Variants in EML4 observed in about 807,000 individuals in gnomAD.
The protein encoded by EML4 is EMAP like 4, also known as echinoderm microtubule-associated protein-like 4.
A neutral mutation model predicts 129.0 loss-of-function variants in EML4; 72 were observed. That is an observed-to-expected ratio of 0.56 (90% CI 0.46 to 0.68). The LOEUF is 0.68. Ranked by LOEUF, EML4 falls within the 30% of genes least tolerant of loss-of-function variation. The pLI, the probability that EML4 is intolerant of heterozygous loss-of-function variation, is 0.00. For synonymous variants in EML4, 532 were observed against 405.0 expected (o/e 1.31, Z -3.77); for missense variants, 1,363 against 1,190.6 (o/e 1.14, Z -2.13).
chr2:42,317,386 C>T, intron 18 of EML4, 41 bp from the exon 19 acceptor site: 1 of 1,189,116 alleles, frequency 8.4e-7, no homozygotes, highest in Non-Finnish European at 1.2e-6. Flanking sequence ...ATAAATTTAT[C>T]AGTATATTTC....
chr2:42,315,577 TA>T (rs1231827734), intron 17 of EML4, among the ~76,000 whole-genome samples: 2 of 151,782 alleles, frequency 1.3e-5, no homozygotes, highest in African/African-American at 4.8e-5. Flanking sequence ...TTCTTAAAAG[TA>T]AAAAAATAGA....
intron 11 of EML4, among the ~76,000 whole-genome samples, chr2:42,292,788 G>A (rs1341629396): frequency 6.6e-6 from 1 of 152,088 alleles, no homozygotes; most frequent in Non-Finnish European, 1.5e-5. Context: ...AAAGTTAAAA[G>A]GATATATCCT....
At chr2:42,267,909 A>G (rs567216081) in intron 6 of EML4, among the ~76,000 whole-genome samples, 26 of 152,322 alleles carry the variant, frequency 1.7e-4, no homozygotes, top group African/African-American at 5.3e-4. Flanking sequence ...AGGACTATCT[A>G]TTGTTAGAGG....
intron 1 of EML4, among the ~76,000 whole-genome samples, chr2:42,181,993 G>A (rs1572838443): frequency 6.6e-6 from 1 of 152,074 alleles, no homozygotes; most frequent in Non-Finnish European, 1.5e-5. Context: ...CAACAGCGTA[G>A]GGTTAATTTT....
chr2:42,296,409 G>A (rs560514034), intron 13 of EML4, among the ~76,000 whole-genome samples: 1 of 152,074 alleles, frequency 6.6e-6, no homozygotes, highest in East Asian at 1.9e-4. Flanking sequence ...CCTGGGGATT[G>A]GCAGGGCAAC....
chr2:42,306,484 C>CATTTTTTTTTTTTTTTTT (rs1668598861), intron 17 of EML4, among the ~76,000 whole-genome samples: 1 of 74,604 alleles, frequency 1.3e-5, no homozygotes, highest in Non-Finnish European at 2.6e-5. Flanking sequence ...GTGCTAAATC[C>CATTTTTTTTTTTTTTTTT]TTTTTTTTTT....
chr2:42,256,662 A>G (rs1349278532), intron 3 of EML4, 32 bp downstream of exon 3: 2 of 1,611,390 alleles, frequency 1.2e-6, no homozygotes, highest in Non-Finnish European at 8.5e-7. Context: ...AAAAACTAAC[A>G]TTGCAGAATT....
intron 17 of EML4, among the ~76,000 whole-genome samples, chr2:42,313,757 A>C (rs1220046340): frequency 1.3e-5 from 2 of 150,530 alleles, no homozygotes; most frequent in South Asian, 2.1e-4. Flanking sequence ...GCGAAACCCT[A>C]TCTCTACTAA....
intron 11 of EML4, chr2:42,289,778 C>T (rs1330124769): frequency 6.6e-6 from 1 of 151,814 alleles, no homozygotes; most frequent in African/African-American, 2.4e-5. Context: ...TTGAAATTAA[C>T]TTAATCTGGC....
intron 2 of EML4, among the ~76,000 whole-genome samples, chr2:42,248,895 C>A (rs1212162588): frequency 6.6e-6 from 1 of 151,942 alleles, no homozygotes; most frequent in Non-Finnish European, 1.5e-5. Context: ...CTGTATTTTC[C>A]TTTAGTGGAA....
intron 1 of EML4, among the ~76,000 whole-genome samples, chr2:42,243,244 G>T (rs1675157636): frequency 6.6e-6 from 1 of 152,154 alleles, no homozygotes; most frequent in African/African-American, 2.4e-5. Flanking sequence ...TATTCTTCCT[G>T]TGAGAAGAAG....
chr2:42,240,031 C>G (rs555807408), intron 1 of EML4, among the ~76,000 whole-genome samples: 6 of 152,130 alleles, frequency 3.9e-5, no homozygotes, highest in Non-Finnish European at 8.8e-5. Flanking sequence ...GGTAACTCAC[C>G]TGATGTCTCA....
intron 1 of EML4, among the ~76,000 whole-genome samples, chr2:42,189,184 AAC>A (rs1192171925): frequency 2.0e-5 from 3 of 152,164 alleles, no homozygotes; most frequent in African/African-American, 7.2e-5. Flanking sequence ...TTATTTTTAA[AAC>A]AGTGATAATA....
rs562675935 is a variant in EML4, at chr2:42,207,066, C to A, written c.25+37430C>A. Among the ~76,000 whole-genome samples the A allele has an allele frequency of 2.6e-5, 4 of 152,210 alleles. No individual in the cohort carries two copies. The East Asian group carries it at 7.7e-4, about 29-fold the overall frequency. On this transcript the variant is annotated intron_variant, in intron 1 of 22. Transcript: ENST00000318522. ...GCTGTCACTGAATATGTGTTCAGTA[C>A]ACTGTAGTAATAGATTACTTTTCAA... is the stretch of plus-strand genomic sequence containing the variant.
At position 42,182,962 on chromosome 2, in the gene EML4, G is replaced by GC. The variant is rs575719004; in HGVS notation, c.25+13333dup. Among the ~76,000 whole-genome samples, 320 of 152,036 alleles carry GC rather than the reference G, an allele frequency of 2.1e-3. 1 individual carries two copies. Among genetic ancestry groups the GC allele is most frequent in the African/African-American group, 7.2e-3 (298 of 41,454 alleles). On this transcript the variant is annotated intron_variant, in intron 1 of 22. Coordinates refer to ENST00000318522, the MANE Select transcript of EML4 (RefSeq NM_019063.5). ...AAGGATACCAGTTGTATTGGATGAG[G>GC]CCCCCCCACAGCCCACTGCCTGTCT... is the stretch of plus-strand genomic sequence containing the variant.
intron 19 of EML4, chr2:42,319,737 T>C (rs957598072): frequency 1.3e-5 from 2 of 152,250 alleles, no homozygotes; most frequent in Non-Finnish European, 2.9e-5. Context: ...GTTCGTACTT[T>C]ATAGCATTGT....
rs965328893 is a variant in EML4, at chr2:42,310,765, C to A, written c.1968-5197C>A. Among the ~76,000 whole-genome samples, 8 of 152,332 alleles carry A rather than the reference C, an allele frequency of 5.3e-5. No individual in the cohort carries two copies. In the East Asian group the frequency reaches 1.5e-3, roughly 29 times the overall value. On this transcript the variant is annotated intron_variant, in intron 17 of 22. Transcript: ENST00000318522. Reference sequence around the variant, plus strand: ...AGGCCCAAGGCCCAGGCCGGAAGATCTCTTGAAGCCAGGAGTGAAACTTAA... The same window carrying A: ...AGGCCCAAGGCCCAGGCCGGAAGATATCTTGAAGCCAGGAGTGAAACTTAA...
At chr2:42,296,708 C>A (rs1213691023) in intron 13 of EML4, among the ~76,000 whole-genome samples, 6 of 152,082 alleles carry the variant, frequency 3.9e-5, no homozygotes. Context: ...CTTTGGGTGT[C>A]AATGTAGGAG....
chr2:42,291,185 G>GA (rs1276608115), intron 11 of EML4, among the ~76,000 whole-genome samples: 2 of 151,044 alleles, frequency 1.3e-5, no homozygotes, highest in Admixed American at 6.6e-5. Flanking sequence ...ATACTCATAT[G>GA]AAAAAAAAAT....
Sources: gnomAD v4.1 joint callset for allele counts (sites outside exome capture counted in the v4.1 genomes callset) on GRCh38, gnomAD v4.1.1 for gene constraint, MANE v1.5 for transcripts, NCBI Gene and HGNC (gene_info 2026-07-23, HGNC 2026-07-21) for gene names.